The following TIAM2 variants were observed in gnomAD, a reference collection of about 807,000 sequenced individuals.
TIAM2 encodes rho guanine nucleotide exchange factor TIAM2.
In TIAM2, 80 loss-of-function variants were observed where a neutral mutation model predicts 152.9. The observed-to-expected ratio is 0.52, with a 90% CI of 0.44 to 0.63. The LOEUF is 0.63. Ranked by LOEUF, TIAM2 falls within the 30% of genes least tolerant of loss-of-function variation. The probability of loss-of-function intolerance (pLI) is 0.00; values close to 1 mark genes in which losing one functional copy is unlikely to be tolerated. For missense variants in TIAM2, 1,965 were observed against 2,120.1 expected (o/e 0.93, Z 1.44); for synonymous variants, 804 against 838.0 (o/e 0.96, Z 0.70).
intron 4 of TIAM2, among the ~76,000 whole-genome samples, chr6:155,135,118 G>A (rs187252359): frequency 6.6e-6 from 1 of 152,302 alleles, no homozygotes; most frequent in East Asian, 1.9e-4. Flanking sequence ...TTATGCATAA[G>A]CATCAGTGTA....
At chr6:155,247,617 C>A (rs1436614296) in intron 19 of TIAM2, among the ~76,000 whole-genome samples, 1 of 152,210 alleles carries the variant, frequency 6.6e-6, no homozygotes, top group African/African-American at 2.4e-5. Flanking sequence ...CGTGAGCCAC[C>A]GCACCTGGCC....
At chr6:155,121,096 A>T (rs180992043) in intron 2 of TIAM2, among the ~76,000 whole-genome samples, 139 of 152,084 alleles carry the variant, frequency 9.1e-4, no homozygotes, top group African/African-American at 3.3e-3. Context: ...GAAGATTCTA[A>T]ATTTATCTAT....
chr6:155,131,274 C>A (rs187948005), intron 4 of TIAM2, among the ~76,000 whole-genome samples: 1 of 151,540 alleles, frequency 6.6e-6, no homozygotes, highest in African/African-American at 2.4e-5. Flanking sequence ...GCAGGAGAAT[C>A]GCTTGAACCT....
At chr6:155,025,775 T>A (rs1776588074) in intron 1 of TIAM2, among the ~76,000 whole-genome samples, 2 of 148,584 alleles carry the variant, frequency 1.3e-5, no homozygotes, top group Non-Finnish European at 3.0e-5. Context: ...AAAAATAGAT[T>A]TTTTCATACC....
chr6:155,110,313 C>CTTTT (rs1488922028), intron 2 of TIAM2, among the ~76,000 whole-genome samples: 3 of 90,368 alleles, frequency 3.3e-5, no homozygotes, highest in East Asian at 2.5e-4. Flanking sequence ...TTTCCTCTTT[C>CTTTT]TTTTCTTTTT....
In TIAM2 at chr6:155,182,266, C is replaced by T. The variant is rs1780919640; in HGVS notation, c.2748C>T (p.Leu916=). ...VTAQVDERQH[L]SRIFISDVLP... Reference sequence around the variant, plus strand: ...CGCAGGTGGATGAGCGTCAGCATCTCAGCCGGATATTTATAAGCGACGTTC... The same window carrying T: ...CGCAGGTGGATGAGCGTCAGCATCTTAGCCGGATATTTATAAGCGACGTTC... Residue 916 remains leucine, a synonymous_variant, in exon 13 of 27, where the codon CTC becomes CTT. Transcript: ENST00000682666. 6.2e-7 allele frequency: 1 copy of T among 1,614,202 alleles called. No individual in the cohort carries two copies. Among genetic ancestry groups the T allele is most frequent in the Non-Finnish European group, 8.5e-7 (1 of 1,180,020 alleles).
intron 1 of TIAM2, among the ~76,000 whole-genome samples, chr6:155,057,541 C>CTTTT (rs71023613): frequency 0.023 from 1,819 of 80,022 alleles, 216 homozygotes; most frequent in African/African-American, 0.076. Context: ...CCATAATGTA[C>CTTTT]TTTTTTTTTT....
At chr6:155,040,126 A>C (rs557348255) in intron 1 of TIAM2, among the ~76,000 whole-genome samples, 1 of 152,292 alleles carries the variant, frequency 6.6e-6, no homozygotes, top group South Asian at 2.1e-4. Flanking sequence ...TTTCCATGTT[A>C]ATTAGGACCT....
intron 1 of TIAM2, among the ~76,000 whole-genome samples, chr6:155,079,084 CAG>C (rs1254505463): frequency 1.3e-5 from 2 of 151,616 alleles, no homozygotes; most frequent in African/African-American, 4.8e-5. Flanking sequence ...TTTTTTGAGG[CAG>C]AGTCTTTCTC....
chr6:155,061,219 A>G (rs1034512425), intron 1 of TIAM2, among the ~76,000 whole-genome samples: 1 of 152,194 alleles, frequency 6.6e-6, no homozygotes. Context: ...CTATCTCTCA[A>G]TCAAAATAAA....
At chr6:155,226,250 C>T (rs745532967) in intron 15 of TIAM2, among the ~76,000 whole-genome samples, 61 of 152,200 alleles carry the variant, frequency 4.0e-4, no homozygotes, top group Non-Finnish European at 5.6e-4. Flanking sequence ...GTAAGTGTGA[C>T]GGCTGAAGGT....
intron 1 of TIAM2, among the ~76,000 whole-genome samples, chr6:155,067,988 C>T (rs1398016794): frequency 6.6e-6 from 1 of 152,170 alleles, no homozygotes; most frequent in African/African-American, 2.4e-5. Flanking sequence ...CCCAACCACA[C>T]GTACAAGTGT....
rs549339307 is a variant in TIAM2, at chr6:155,032,978, G to A, written c.-209+37486G>A. ...GAAAACAGCTATGTGTTAATTCTAC[G>A]ACCACAGCTCATTGAAGTTTCCTTT... On this transcript the variant is annotated intron_variant, in intron 1 of 26. Coordinates refer to ENST00000682666, the MANE Select transcript of TIAM2 (RefSeq NM_012454.4). Among the ~76,000 whole-genome samples, 5 of 152,226 alleles carry A rather than the reference G, an allele frequency of 3.3e-5. No homozygotes were observed. In the East Asian group the frequency reaches 7.7e-4, roughly 24 times the overall value.
chr6:155,198,882 G>T (rs1336299606), intron 14 of TIAM2, among the ~76,000 whole-genome samples: 1 of 152,044 alleles, frequency 6.6e-6, no homozygotes, highest in Non-Finnish European at 1.5e-5. Flanking sequence ...GATGGCCCAT[G>T]GCTGTGGTGG....
chr6:155,020,438 G>T (rs1448985041), intron 1 of TIAM2, among the ~76,000 whole-genome samples: 2 of 152,154 alleles, frequency 1.3e-5, no homozygotes, highest in Non-Finnish European at 2.9e-5. Context: ...AATTATTGTG[G>T]TCAAATTACT....
At position 155,257,204 on chromosome 6, in the gene TIAM2, A is replaced by AAC; in HGVS notation, c.*84_*85insCA. ...AGTGGAAATTGCAAAAAAAAAAAAA[A>AAC]AAAAAAACTGTTCATTCCTGGGTTT... is the stretch of plus-strand genomic sequence containing the variant. On this transcript the variant is annotated 3_prime_UTR_variant, in exon 27 of 27. Transcript: ENST00000682666. 1 of 1,421,874 alleles carries AAC rather than the reference A, an allele frequency of 7.0e-7. No homozygotes were observed. The highest frequency in any genetic ancestry group is 2.4e-5 in the East Asian group (1 of 42,496). The allele number at this position is 1,421,874 out of a possible 1,614,324, so 88.1% of individuals were successfully genotyped here. A position where few individuals can be genotyped will look rare whatever the true frequency, so the allele number is the denominator to read the frequency against.
At chr6:155,228,568 T>C (rs1782327148) in intron 15 of TIAM2, among the ~76,000 whole-genome samples, 1 of 151,932 alleles carries the variant, frequency 6.6e-6, no homozygotes, top group Non-Finnish European at 1.5e-5. Context: ...TTAGAGAAAA[T>C]GCAGTTCCTG....
chr6:155,006,704 A>C (rs1208258349), intron 1 of TIAM2, among the ~76,000 whole-genome samples: 2 of 151,580 alleles, frequency 1.3e-5, no homozygotes, highest in Non-Finnish European at 2.9e-5. Context: ...AAAAGAAAAA[A>C]AAAAGACACA....
chr6:155,256,313 G>A (rs1784021183), intron 26 of TIAM2, 171 bp from the exon 27 acceptor site: 2 of 941,748 alleles, frequency 2.1e-6, no homozygotes, highest in South Asian at 1.8e-5. Context: ...AGTCAAAAAT[G>A]TCCATGTTTT....
Sources: allele counts gnomAD v4.1 joint callset (sites outside exome capture counted in the v4.1 genomes callset), GRCh38; gene constraint gnomAD v4.1.1; transcripts MANE v1.5; gene names NCBI Gene and HGNC (gene_info 2026-07-23, HGNC 2026-07-21).